FBN1: variants seen among roughly 807,000 people sequenced by gnomAD.
The protein encoded by FBN1 is fibrillin-1.
FBN1 carries 29 observed loss-of-function variants against 365.1 expected under a neutral mutation model. The observed-to-expected ratio is 0.08, with a 90% confidence interval of 0.06 to 0.11. FBN1 has a LOEUF of 0.11. FBN1 is among the 10% of genes least tolerant of loss of function. The pLI is 1.00. For missense variants in FBN1, 2,476 were observed against 3,703.2 expected, an observed-to-expected ratio of 0.67 and a Z score of 8.60; for synonymous variants, 1,210 against 1,270.5, an observed-to-expected ratio of 0.95 and a Z score of 1.01.
chr15:48,502,132 G>A (rs1315789125), intron 17 of FBN1, among the ~76,000 whole-genome samples: 1 of 152,104 alleles, frequency 6.6e-6, no homozygotes, highest in Non-Finnish European at 1.5e-5. Flanking sequence ...GGATTCAAGT[G>A]ATTCTCCTGC....
At position 48,489,132 on chromosome 15, in the gene FBN1, T is replaced by G. The variant is rs532237961; in HGVS notation, c.3083-639A>C. On this transcript the variant is annotated intron_variant, in intron 25 of 65. Transcript: ENST00000316623. ...TCACTGCAACCTCTGCCTCCCAGAT[T>G]CAAGCAATTCTTGTGCCTCAGCCAT... 2.0e-5 allele frequency among the ~76,000 whole-genome samples: 3 copies of G among 151,916 alleles called. No individual in the cohort carries two copies. In the South Asian group the frequency reaches 6.3e-4, roughly 32 times the overall value.
At chr15:48,471,026 G>T (rs1475619032) in intron 35 of FBN1, among the ~76,000 whole-genome samples, 2 of 151,730 alleles carry the variant, frequency 1.3e-5, no homozygotes, top group East Asian at 3.9e-4. Context: ...GTTCCACGTA[G>T]GTCCACATCA....
At chr15:48,509,265 C>A (rs1399374554) in intron 14 of FBN1, among the ~76,000 whole-genome samples, 1 of 151,784 alleles carries the variant, frequency 6.6e-6, no homozygotes, top group Admixed American at 6.6e-5. Flanking sequence ...GGCAGTGAAC[C>A]TTTAAGATCC....
chr15:48,470,588 C>T (rs779165273), intron 36 of FBN1, 46 bp downstream of exon 36: 1 of 1,612,674 alleles, frequency 6.2e-7, no homozygotes, highest in South Asian at 1.1e-5. Flanking sequence ...TAGCTGGGTC[C>T]CCCGGGACAC....
intron 3 of FBN1, among the ~76,000 whole-genome samples, chr15:48,612,684 C>G (rs966470890): frequency 6.6e-6 from 1 of 152,098 alleles, no homozygotes; most frequent in Admixed American, 6.5e-5. Flanking sequence ...GAGTGGCCAA[C>G]AAAGTTAGAA....
chr15:48,621,525 T>C (rs551668986), intron 2 of FBN1, among the ~76,000 whole-genome samples: 13 of 152,110 alleles, frequency 8.5e-5, no homozygotes, highest in Non-Finnish European at 1.3e-4. Context: ...GTCAAGGTCA[T>C]TAAAACAAGG....
chr15:48,458,405 T>G (rs2043257189), intron 43 of FBN1, among the ~76,000 whole-genome samples: 1 of 152,244 alleles, frequency 6.6e-6, no homozygotes, highest in Non-Finnish European at 1.5e-5. Context: ...CTCAAAGGGT[T>G]CATTGCTATT....
intron 6 of FBN1, among the ~76,000 whole-genome samples, chr15:48,566,605 C>T (rs1418762063): frequency 2.0e-5 from 3 of 152,154 alleles, no homozygotes. Context: ...ACTTTGGGTT[C>T]ATGTTTTATT....
At position 48,569,984 on chromosome 15, in the gene FBN1, GA is replaced by G. The variant is rs577419799; in HGVS notation, c.538+26298del. Among the ~76,000 whole-genome samples the G allele has an allele frequency of 4.8e-5, 7 of 146,912 alleles. No homozygotes were observed. In the East Asian group the frequency reaches 7.9e-4, roughly 16 times the overall value. ...AATTACACCTCCATGATGCTTTTTT[GA>G]AAAAAAAAATCAATTCACAAACCAA... On this transcript the variant is annotated intron_variant, in intron 6 of 65. Transcript: ENST00000316623.
chr15:48,487,014 A>T lies in FBN1; in HGVS notation c.3589+61T>A, dbSNP rs562582165. On this transcript the variant is annotated intron_variant, in intron 29 of 65. Coordinates refer to ENST00000316623, the MANE Select transcript of FBN1 (RefSeq NM_000138.5). The stretch of plus-strand genomic sequence containing the variant: ...ATAAAATAAAATAAAATAACATAAC[A>T]TAACATAACATAAAATAAAGTAAAA... 1.6e-5 allele frequency: 20 copies of T among 1,221,412 alleles called. No homozygotes were observed. The African/African-American group carries it at 3.2e-4, about 19-fold the overall frequency. The allele number at this position is 1,221,412 out of a possible 1,614,324, so 75.7% of individuals were successfully genotyped here. A position where few individuals can be genotyped will look rare whatever the true frequency, so the allele number is the denominator to read the frequency against.
In FBN1 at chr15:48,542,889, T is replaced by C. The variant is rs111457201; in HGVS notation, c.539-5081A>G. ...AAGAGTACTCGTGTGCCATGATTAA[T>C]TGGAGATCTCTGCAAGATAACAACT... On this transcript the variant is annotated intron_variant, in intron 6 of 65. Transcript: ENST00000316623. Among the ~76,000 whole-genome samples the C allele has an allele frequency of 6.4e-3, 969 of 151,508 alleles. 10 individuals are homozygous for C. Among genetic ancestry groups the C allele is most frequent in the African/African-American group, 0.022 (918 of 41,224 alleles).
chr15:48,454,491 T>C (rs539474049), intron 44 of FBN1, among the ~76,000 whole-genome samples: 2 of 152,124 alleles, frequency 1.3e-5, no homozygotes, highest in African/African-American at 4.8e-5. Context: ...GATACTAATA[T>C]AGTTCAAATT....
intron 33 of FBN1, 71 bp downstream of exon 33, chr15:48,474,457 C>A: frequency 6.2e-7 from 1 of 1,611,998 alleles, no homozygotes; most frequent in South Asian, 1.1e-5. Flanking sequence ...AATAACTTTA[C>A]ATAATTAATA....
intron 6 of FBN1, among the ~76,000 whole-genome samples, chr15:48,563,942 T>C (rs2044242039): frequency 6.6e-6 from 1 of 152,224 alleles, no homozygotes; most frequent in Admixed American, 6.5e-5. Context: ...AGATGAAGTT[T>C]GATCTCTTTA....
At chr15:48,523,847 C>G (rs1421293937) in intron 9 of FBN1, among the ~76,000 whole-genome samples, 1 of 152,138 alleles carries the variant, frequency 6.6e-6, no homozygotes, top group African/African-American at 2.4e-5. Flanking sequence ...AAACACCTTC[C>G]ATTTTAAATC....
At chr15:48,613,670 G>A (rs1300070429) in intron 2 of FBN1, among the ~76,000 whole-genome samples, 3 of 152,208 alleles carry the variant, frequency 2.0e-5, no homozygotes, top group Non-Finnish European at 4.4e-5. Flanking sequence ...GCTCACGCCT[G>A]TAATCCCAGC....
At chr15:48,506,544 C>G (rs2043709309) in intron 15 of FBN1, among the ~76,000 whole-genome samples, 1 of 152,158 alleles carries the variant, frequency 6.6e-6, no homozygotes, top group Non-Finnish European at 1.5e-5. Context: ...AAAGGTAACA[C>G]AAAGGGTTTT....
intron 36 of FBN1, among the ~76,000 whole-genome samples, chr15:48,469,067 C>CAAAA (rs56789154): frequency 1.1e-5 from 1 of 90,692 alleles, no homozygotes; most frequent in African/African-American, 4.1e-5. Flanking sequence ...GACTCCGTCT[C>CAAAA]AAAAAAAAAA....
At chr15:48,468,997 G>A (rs1378254837) in intron 36 of FBN1, among the ~76,000 whole-genome samples, 5 of 146,526 alleles carry the variant, frequency 3.4e-5, no homozygotes, top group South Asian at 4.4e-4. Flanking sequence ...GAACCTGGGA[G>A]GCGGAGCTTG....
Sources: gnomAD v4.1 joint callset for allele counts (sites outside exome capture counted in the v4.1 genomes callset) on GRCh38, gnomAD v4.1.1 for gene constraint, MANE v1.5 for transcripts, NCBI Gene and HGNC (gene_info 2026-07-23, HGNC 2026-07-21) for gene names.